Variants in RFX3 observed in about 807,000 individuals in gnomAD.
RFX3 encodes transcription factor RFX3.
Under a neutral mutation model 98.6 loss-of-function variants are expected in RFX3, and 14 were observed. The ratio of observed to expected loss-of-function variants is 0.14; its 90% CI spans 0.09 to 0.22. RFX3 has a LOEUF of 0.22. RFX3 is among the 10% of genes least tolerant of loss of function. RFX3 has a pLI of 1.00. For synonymous variants in RFX3, 383 were observed against 328.4 expected, an observed-to-expected ratio of 1.17 and a Z score of -1.80; for missense variants, 639 against 926.9, an observed-to-expected ratio of 0.69 and a Z score of 4.03.
chr9:3,259,826 A>G (rs1822630824), intron 13 of RFX3, among the ~76,000 whole-genome samples: 3 of 152,068 alleles, frequency 2.0e-5, no homozygotes, highest in Non-Finnish European at 4.4e-5. Flanking sequence ...CCTGAAAGGA[A>G]CTTTTTAGCA....
intron 2 of RFX3, among the ~76,000 whole-genome samples, chr9:3,362,154 G>A (rs2131397570): frequency 6.6e-6 from 1 of 152,280 alleles, no homozygotes; most frequent in East Asian, 1.9e-4. Flanking sequence ...TGTTTATTGA[G>A]CAAGAGCCAG....
At chr9:3,389,406 G>A (rs1218903602) in intron 2 of RFX3, among the ~76,000 whole-genome samples, 1 of 152,094 alleles carries the variant, frequency 6.6e-6, no homozygotes, top group African/African-American at 2.4e-5. Context: ...AAGATGATAG[G>A]ATGGGTAATA....
chr9:3,294,663 C>T (rs1827787460), intron 5 of RFX3, among the ~76,000 whole-genome samples: 1 of 152,118 alleles, frequency 6.6e-6, no homozygotes, highest in Non-Finnish European at 1.5e-5. Context: ...GTCATGACAA[C>T]TGAATTTCCA....
At chr9:3,443,036 C>T (rs966835962) in intron 1 of RFX3, among the ~76,000 whole-genome samples, 7 of 152,016 alleles carry the variant, frequency 4.6e-5, no homozygotes, top group African/African-American at 1.7e-4. Flanking sequence ...AATAAACAAC[C>T]TGATTAAAAG....
chr9:3,484,338 G>A (rs1180463793), intron 1 of RFX3, among the ~76,000 whole-genome samples: 1 of 152,196 alleles, frequency 6.6e-6, no homozygotes, highest in African/African-American at 2.4e-5. Flanking sequence ...ACTAGTTATT[G>A]TTATGAATGT....
chr9:3,393,966 C>T (rs1379974831), intron 2 of RFX3, among the ~76,000 whole-genome samples: 1 of 152,054 alleles, frequency 6.6e-6, no homozygotes, highest in East Asian at 1.9e-4. Context: ...CATATGTATG[C>T]TCTGGATCTA....
chr9:3,396,672 T>C (rs945414194), intron 1 of RFX3, among the ~76,000 whole-genome samples: 4 of 152,150 alleles, frequency 2.6e-5, no homozygotes, highest in African/African-American at 9.7e-5. Flanking sequence ...GTAAAAGTGT[T>C]CCTATTTCTC....
chr9:3,251,950 G>C (rs1251209588), intron 14 of RFX3, among the ~76,000 whole-genome samples: 1 of 151,876 alleles, frequency 6.6e-6, no homozygotes, highest in Non-Finnish European at 1.5e-5. Context: ...CCGGGTTCAA[G>C]CGATTCTCCT....
intron 1 of RFX3, among the ~76,000 whole-genome samples, chr9:3,444,114 T>C (rs1193079404): frequency 2.6e-5 from 4 of 152,206 alleles, no homozygotes; most frequent in South Asian, 2.1e-4. Context: ...TGTACATCGA[T>C]AGTCATAAGA....
chr9:3,237,638 A>G (rs1819340622), intron 15 of RFX3, among the ~76,000 whole-genome samples: 1 of 152,190 alleles, frequency 6.6e-6, no homozygotes, highest in South Asian at 2.1e-4. Flanking sequence ...CTGCCTGCCT[A>G]TCTACTCTAC....
In RFX3 at chr9:3,502,116, G is replaced by A. The variant is rs891386182; in HGVS notation, c.-9+23631C>T. ...AAAAAAAAAATACAAAAAATTAGCC[G>A]GGCGTAGTGGCGGGCGCCTGTAGTC... is the stretch of plus-strand genomic sequence containing the variant. On this transcript the variant is annotated intron_variant, in intron 1 of 16. Coordinates refer to ENST00000617270, the MANE Select transcript of RFX3 (RefSeq NM_001282116.2). Among the ~76,000 whole-genome samples the A allele has an allele frequency of 5.3e-5, 8 of 151,536 alleles. No homozygotes were observed. The East Asian group carries it at 1.2e-3, about 22-fold the overall frequency.
chr9:3,509,935 G>T (rs983928514), intron 1 of RFX3, among the ~76,000 whole-genome samples: 1 of 151,906 alleles, frequency 6.6e-6, no homozygotes, highest in East Asian at 1.9e-4. Flanking sequence ...TAAGAAGTGG[G>T]GAGGAGGAAG....
intron 16 of RFX3, among the ~76,000 whole-genome samples, 154 bp from the exon 17 acceptor site, chr9:3,225,434 A>C (rs1029224533): frequency 6.6e-6 from 1 of 152,102 alleles, no homozygotes; most frequent in Non-Finnish European, 1.5e-5. Context: ...TTTTCATCAG[A>C]TTTTATTCAT....
At chr9:3,522,644 C>A (rs1818839093) in intron 1 of RFX3, among the ~76,000 whole-genome samples, 1 of 152,016 alleles carries the variant, frequency 6.6e-6, no homozygotes, top group Non-Finnish European at 1.5e-5. Context: ...AACACACACA[C>A]ACACACAGAC....
At chr9:3,313,381 G>T (rs1351177591) in intron 4 of RFX3, among the ~76,000 whole-genome samples, 1 of 152,168 alleles carries the variant, frequency 6.6e-6, no homozygotes, top group Non-Finnish European at 1.5e-5. Context: ...CATCAACAAA[G>T]ACCAAAGGTA....
At chr9:3,512,455 T>C (rs980533844) in intron 1 of RFX3, among the ~76,000 whole-genome samples, 4 of 151,982 alleles carry the variant, frequency 2.6e-5, no homozygotes, top group Non-Finnish European at 2.9e-5. Flanking sequence ...ACTTTACAAC[T>C]GTAGGCTGCT....
intron 1 of RFX3, among the ~76,000 whole-genome samples, chr9:3,518,023 G>T (rs1818341998): frequency 6.6e-6 from 1 of 152,144 alleles, no homozygotes; most frequent in Non-Finnish European, 1.5e-5. Context: ...GATATGTTCA[G>T]ATACACAAAT....
At chr9:3,507,113 A>G (rs926437187) in intron 1 of RFX3, among the ~76,000 whole-genome samples, 1 of 151,920 alleles carries the variant, frequency 6.6e-6, no homozygotes, top group Non-Finnish European at 1.5e-5. Flanking sequence ...TGCCCTCAGT[A>G]AGCTTATAAA....
intron 4 of RFX3, among the ~76,000 whole-genome samples, chr9:3,316,247 G>T (rs1045124755): frequency 3.3e-5 from 5 of 151,986 alleles, no homozygotes; most frequent in Non-Finnish European, 5.9e-5. Context: ...ACGTAATCCA[G>T]CATATAAAAA....
Sources: gnomAD v4.1 joint callset for allele counts (sites outside exome capture counted in the v4.1 genomes callset) on GRCh38, gnomAD v4.1.1 for gene constraint, MANE v1.5 for transcripts, NCBI Gene and HGNC (gene_info 2026-07-23, HGNC 2026-07-21) for gene names.